Variants in MYCBP2 observed in about 807,000 individuals in gnomAD.
MYCBP2 encodes the protein MYC binding protein 2.
Under a neutral mutation model 525.3 loss-of-function variants are expected in MYCBP2, and 120 were observed. That is an observed-to-expected ratio of 0.23 (90% CI 0.20 to 0.27). The LOEUF is 0.27. MYCBP2 is among the 10% of genes least tolerant of loss of function. The pLI is 1.00. For synonymous variants in MYCBP2, 1,894 were observed against 1,955.8 expected, an observed-to-expected ratio of 0.97 and a Z score of 0.83; for missense variants, 4,149 against 5,657.1, an observed-to-expected ratio of 0.73 and a Z score of 8.55.
intron 1 of MYCBP2, among the ~76,000 whole-genome samples, chr13:77,313,322 G>A (rs1484582720): frequency 6.6e-6 from 1 of 151,800 alleles, no homozygotes; most frequent in Non-Finnish European, 1.5e-5. Flanking sequence ...TAAACTTAAA[G>A]AAAGTAGAAA....
At chr13:77,220,632 G>A (rs921965290) in intron 20 of MYCBP2, among the ~76,000 whole-genome samples, 14 of 152,122 alleles carry the variant, frequency 9.2e-5, no homozygotes, top group Admixed American at 7.9e-4. Flanking sequence ...TTCTCCAACT[G>A]TAACCCTTTA....
At chr13:77,201,593 T>C (rs576046118) in intron 26 of MYCBP2, among the ~76,000 whole-genome samples, 2 of 150,920 alleles carry the variant, frequency 1.3e-5, no homozygotes, top group African/African-American at 4.9e-5. Flanking sequence ...AATATACATT[T>C]TTTTCAGCAC....
rs574329751 is a variant in MYCBP2, at chr13:77,259,173, G to T, written c.2017+1255C>A. Reference sequence around the variant, plus strand: ...TCAGCTACTTGGGAGGCTGAGGTGGGACAATCGCTGGAACCTAGGAGGCAG... The same window carrying T: ...TCAGCTACTTGGGAGGCTGAGGTGGTACAATCGCTGGAACCTAGGAGGCAG... On this transcript the variant is annotated intron_variant, in intron 13 of 82. Coordinates refer to ENST00000544440, the MANE Select transcript of MYCBP2 (RefSeq NM_015057.5). Among the ~76,000 whole-genome samples the T allele has an allele frequency of 2.1e-4, 32 of 152,250 alleles. No homozygotes were observed. In the South Asian group the frequency reaches 5.6e-3, roughly 27 times the overall value.
intron 17 of MYCBP2, among the ~76,000 whole-genome samples, chr13:77,239,695 G>C (rs1019213778): frequency 6.6e-6 from 1 of 152,158 alleles, no homozygotes; most frequent in African/African-American, 2.4e-5. Flanking sequence ...TCTGAAGTGG[G>C]GCCTGAGAAC....
intron 18 of MYCBP2, among the ~76,000 whole-genome samples, chr13:77,228,587 T>C (rs534882192): frequency 2.0e-5 from 3 of 151,932 alleles, no homozygotes; most frequent in Non-Finnish European, 4.4e-5. Flanking sequence ...CTTAGATCTA[T>C]ATAAAAAATT....
intron 1 of MYCBP2, among the ~76,000 whole-genome samples, chr13:77,317,117 T>C (rs532993142): frequency 6.6e-6 from 1 of 152,246 alleles, no homozygotes; most frequent in Non-Finnish European, 1.5e-5. Context: ...GCCCGGCTAA[T>C]TGTTTTGTAT....
chr13:77,173,286 G>C (rs2059315496), intron 37 of MYCBP2, among the ~76,000 whole-genome samples: 5 of 152,236 alleles, frequency 3.3e-5, no homozygotes, highest in Admixed American at 3.3e-4. Context: ...TTGGATGGCA[G>C]ATGCTCTTAG....
intron 82 of MYCBP2, among the ~76,000 whole-genome samples, chr13:77,045,833 C>T (rs2154042737): frequency 6.6e-6 from 1 of 151,998 alleles, no homozygotes; most frequent in South Asian, 2.1e-4. Flanking sequence ...GTCACAAAAC[C>T]CCTCAATTTA....
intron 30 of MYCBP2, among the ~76,000 whole-genome samples, chr13:77,187,061 C>T (rs1472745774): frequency 1.3e-5 from 2 of 152,066 alleles, no homozygotes; most frequent in Non-Finnish European, 2.9e-5. Context: ...CCTCCTGCCT[C>T]GGCCTCCAAA....
chr13:77,314,975 T>C (rs73223462), intron 1 of MYCBP2, among the ~76,000 whole-genome samples: 3,397 of 152,268 alleles, frequency 0.022, 58 homozygotes, highest in Middle Eastern at 0.075. Flanking sequence ...AGAGATCCCA[T>C]AGACCTTAAA....
chr13:77,255,506 C>G (rs2072024568), intron 14 of MYCBP2, among the ~76,000 whole-genome samples: 1 of 151,798 alleles, frequency 6.6e-6, no homozygotes, highest in Admixed American at 6.6e-5. Context: ...GTTCAGACTT[C>G]TTATAAAACA....
At position 77,164,463 on chromosome 13, in the gene MYCBP2, G is replaced by A. The variant is rs2058309510; in HGVS notation, c.6538C>T (p.Leu2180Phe). 6.2e-7 allele frequency: 1 copy of A among 1,609,516 alleles called. No individual in the cohort carries two copies. The highest frequency in any genetic ancestry group is 8.5e-7 in the Non-Finnish European group (1 of 1,175,962). Reference sequence around the variant, plus strand: ...TATTGGCCACACTTACCAATAGGAAGTGCTAGGTCCTTCTTCATCAGAGCT... The same window carrying A: ...TATTGGCCACACTTACCAATAGGAAATGCTAGGTCCTTCTTCATCAGAGCT... ...AAALMKKDLA[L>F]PIGNELEEDL... is the part of the protein sequence containing the mutation. The change falls in exon 43 of 83, where the codon CTT (leucine) becomes TTT (phenylalanine). Residue 2180 changes from leucine to phenylalanine, a missense_variant. By Grantham distance (22) the Leu-to-Phe change is conservative (BLOSUM62 0). Coordinates refer to ENST00000544440, the MANE Select transcript of MYCBP2 (RefSeq NM_015057.5).
Position 77,101,896 on chromosome 13 carries a change from CAACA to C in MYCBP2, c.8141-2887_8141-2884del, listed in dbSNP as rs1363478141. 6.6e-5 allele frequency among the ~76,000 whole-genome samples: 10 copies of C among 151,938 alleles called. No homozygotes were observed. The East Asian group carries it at 1.9e-3, about 29-fold the overall frequency. On this transcript the variant is annotated intron_variant, in intron 55 of 82. Coordinates refer to ENST00000544440, the MANE Select transcript of MYCBP2 (RefSeq NM_015057.5). ...TGTATGTTGTGGCTGCTCAAAATAC[CAACA>C]AATATAAACAGTTTGCTAAAAATCT...
At chr13:77,198,935 G>C (rs7983622) in intron 26 of MYCBP2, among the ~76,000 whole-genome samples, 10,344 of 152,206 alleles carry the variant, frequency 0.068, 559 homozygotes, top group African/African-American at 0.14. Context: ...TTTCTTCAGT[G>C]GTAAATTGTT....
intron 1 of MYCBP2, among the ~76,000 whole-genome samples, chr13:77,309,360 A>T (rs1173738146): frequency 1.3e-5 from 2 of 152,250 alleles, no homozygotes; most frequent in Non-Finnish European, 2.9e-5. Flanking sequence ...TATACTGAAC[A>T]TAATGTATCT....
intron 32 of MYCBP2, 140 bp from the exon 33 acceptor site, chr13:77,182,062 A>G: frequency 4.8e-6 from 3 of 628,718 alleles, no homozygotes; most frequent in Non-Finnish European, 8.2e-6. Context: ...TTGTCTTGTT[A>G]TAGAATAATA....
At chr13:77,247,388 G>A (rs931030034) in intron 15 of MYCBP2, among the ~76,000 whole-genome samples, 4 of 152,198 alleles carry the variant, frequency 2.6e-5, no homozygotes, top group African/African-American at 9.6e-5. Context: ...TAACCAATGA[G>A]GTGAAATGAG....
At chr13:77,114,525 T>C (rs2049379686) in intron 55 of MYCBP2, among the ~76,000 whole-genome samples, 1 of 152,198 alleles carries the variant, frequency 6.6e-6, no homozygotes, top group Admixed American at 6.5e-5. Context: ...GTGTTCATAT[T>C]CTCAAATGTA....
In MYCBP2 at chr13:77,081,824, T is replaced by C. The variant is rs774099868; in HGVS notation, c.11193+13A>G. 2 of 1,606,280 alleles carry C rather than the reference T, an allele frequency of 1.2e-6. No individual in the cohort carries two copies. Among genetic ancestry groups the C allele is most frequent in the Non-Finnish European group, 1.7e-6 (2 of 1,176,510 alleles). On this transcript the variant is annotated intron_variant, in intron 64 of 82. Transcript: ENST00000544440. This position sits in a 1 kb window ranked among gnomAD's most constrained non-coding sequence, Gnocchi z 4.6. ...CTAACAGGACAACCAGGATAATAAC[T>C]GAAATGACTGACCTGACTCATAGCT...
Sources: allele counts gnomAD v4.1 joint callset (sites outside exome capture counted in the v4.1 genomes callset), GRCh38; gene constraint gnomAD v4.1.1; non-coding constraint Gnocchi (gnomAD v3.1); transcripts MANE v1.5; gene names NCBI Gene and HGNC (gene_info 2026-07-23, HGNC 2026-07-21).